CDC42BPA: variants seen among roughly 807,000 people sequenced by gnomAD.
CDC42BPA encodes CDC42 binding protein kinase alpha, also known as serine/threonine-protein kinase MRCK alpha.
Under a neutral mutation model 223.5 loss-of-function variants are expected in CDC42BPA, and 80 were observed. The ratio of observed to expected loss-of-function variants is 0.36; its 90% CI spans 0.30 to 0.43. The LOEUF is 0.43. CDC42BPA is among the 20% of genes least tolerant of loss of function. CDC42BPA has a pLI of 1.00. For synonymous variants in CDC42BPA, 694 were observed against 718.6 expected, an observed-to-expected ratio of 0.97 and a Z score of 0.55; for missense variants, 1,743 against 2,099.9, an observed-to-expected ratio of 0.83 and a Z score of 3.32.
At chr1:227,077,327 A>G (rs1679699366) in intron 17 of CDC42BPA, among the ~76,000 whole-genome samples, 1 of 152,210 alleles carries the variant, frequency 6.6e-6, no homozygotes, top group East Asian at 1.9e-4. Context: ...GTGAATTTCC[A>G]GCCTAATGAC....
chr1:227,219,310 C>G (rs1377047449), intron 2 of CDC42BPA: 1 of 152,214 alleles, frequency 6.6e-6, no homozygotes, highest in Non-Finnish European at 1.5e-5. Context: ...ACAACAAGCT[C>G]TGAAGCCCAG....
intron 1 of CDC42BPA, among the ~76,000 whole-genome samples, chr1:227,293,481 C>T (rs945876219): frequency 1.3e-4 from 20 of 150,846 alleles, no homozygotes; most frequent in Non-Finnish European, 2.9e-5. Context: ...ATCCCAATTG[C>T]CATCAGATTC....
chr1:227,062,647 T>C (rs1676162327), intron 21 of CDC42BPA, among the ~76,000 whole-genome samples: 1 of 152,198 alleles, frequency 6.6e-6, no homozygotes, highest in Non-Finnish European at 1.5e-5. Flanking sequence ...ATGTCCATAG[T>C]ACTTAGCCTA....
intron 3 of CDC42BPA, among the ~76,000 whole-genome samples, chr1:227,205,214 A>G (rs1345160100): frequency 7.4e-5 from 11 of 149,568 alleles, no homozygotes; most frequent in Admixed American, 6.0e-4. Flanking sequence ...GGCTGCAGTG[A>G]GCCAAGATCT....
chr1:227,018,235 G>C (rs1328943271), intron 32 of CDC42BPA, among the ~76,000 whole-genome samples: 2 of 151,982 alleles, frequency 1.3e-5, no homozygotes, highest in African/African-American at 4.8e-5. Context: ...TTTTTGAAGT[G>C]AATGAGAATG....
At chr1:227,049,123 C>T (rs1020834803) in intron 22 of CDC42BPA, among the ~76,000 whole-genome samples, 15 of 151,518 alleles carry the variant, frequency 9.9e-5, no homozygotes, top group Non-Finnish European at 1.8e-4. Flanking sequence ...TGAAAAGATA[C>T]ATATGAAAGA....
At chr1:227,127,455 C>A (rs1305655858) in intron 11 of CDC42BPA, among the ~76,000 whole-genome samples, 2 of 152,152 alleles carry the variant, frequency 1.3e-5, no homozygotes, top group Non-Finnish European at 2.9e-5. Flanking sequence ...CCATTCAAAG[C>A]CACATTCTAC....
At chr1:227,044,881 C>T (rs1672114096) in intron 23 of CDC42BPA, among the ~76,000 whole-genome samples, 1 of 152,186 alleles carries the variant, frequency 6.6e-6, no homozygotes, top group Non-Finnish European at 1.5e-5. Flanking sequence ...TCCCCTCCCA[C>T]CCTCGACTTT....
At position 227,112,921 on chromosome 1, in the gene CDC42BPA, T is replaced by C; in HGVS notation, c.1648-8A>G. 1 of 1,611,660 alleles carries C rather than the reference T, an allele frequency of 6.2e-7. No individual in the cohort carries two copies. ...ACTAGCCTGGACTAGTTCCTACAGTTTTGTAAAAAGAATATAAGTTACCAA... is the reference window on the plus strand; with the variant it reads ...ACTAGCCTGGACTAGTTCCTACAGTCTTGTAAAAAGAATATAAGTTACCAA... On this transcript the variant is annotated splice_region_variant and splice_polypyrimidine_tract_variant and intron_variant, in intron 12 of 36. Coordinates refer to ENST00000366766, the MANE Select transcript of CDC42BPA (RefSeq NM_001394014.1).
At chr1:227,003,839 A>G (rs1176639035) in intron 35 of CDC42BPA, among the ~76,000 whole-genome samples, 3 of 152,080 alleles carry the variant, frequency 2.0e-5, no homozygotes, top group Non-Finnish European at 4.4e-5. Context: ...AAACAAACAA[A>G]CAAAAAAAAC....
At chr1:227,220,287 T>C (rs1321986990) in intron 2 of CDC42BPA, among the ~76,000 whole-genome samples, 1 of 85,054 alleles carries the variant, frequency 1.2e-5, no homozygotes, top group Non-Finnish European at 2.3e-5. Context: ...TCATGTTATA[T>C]ATATATATAT....
At chr1:227,151,549 T>C (rs1196394388) in intron 6 of CDC42BPA, among the ~76,000 whole-genome samples, 1 of 152,172 alleles carries the variant, frequency 6.6e-6, no homozygotes, top group South Asian at 2.1e-4. Context: ...TTTGAAGAGC[T>C]ACCTATACCA....
intron 24 of CDC42BPA, among the ~76,000 whole-genome samples, chr1:227,037,911 G>C (rs1398055984): frequency 6.6e-6 from 1 of 152,146 alleles, no homozygotes; most frequent in Non-Finnish European, 1.5e-5. Context: ...AATTTGAAAA[G>C]AGCCCCTATC....
intron 21 of CDC42BPA, among the ~76,000 whole-genome samples, chr1:227,060,031 T>G (rs933240346): frequency 4.5e-5 from 1 of 22,328 alleles, no homozygotes; most frequent in African/African-American, 1.5e-4. Flanking sequence ...TTTTTTTTTG[T>G]TTTTTTTTTT....
intron 10 of CDC42BPA, among the ~76,000 whole-genome samples, chr1:227,135,010 T>A (rs192039911): frequency 6.6e-6 from 1 of 152,314 alleles, no homozygotes; most frequent in Admixed American, 6.5e-5. Flanking sequence ...GCTTTTTCAG[T>A]TGGAGTTGGG....
Position 227,179,782 on chromosome 1 carries a change from GAA to G in CDC42BPA, c.599+14002_599+14003del, listed in dbSNP as rs5781474. On this transcript the variant is annotated intron_variant, in intron 5 of 36. Coordinates refer to ENST00000366766, the MANE Select transcript of CDC42BPA (RefSeq NM_001394014.1). ...TTTCCTCCAAAGGGCAAAAAAGTTT[GAA>G]AAAAAAAAAGTCTTAAGAAGTAGTA... is the stretch of plus-strand genomic sequence containing the variant. 8.4e-4 allele frequency among the ~76,000 whole-genome samples: 125 copies of G among 148,716 alleles called. 1 individual carries two copies. In the Middle Eastern group the frequency reaches 0.014, roughly 16 times the overall value.
intron 5 of CDC42BPA, among the ~76,000 whole-genome samples, chr1:227,166,804 T>A (rs999862763): frequency 6.6e-5 from 10 of 151,962 alleles, no homozygotes; most frequent in African/African-American, 2.4e-4. Flanking sequence ...CCAACATCTA[T>A]CAACTGAGTA....
chr1:227,280,227 G>C (rs368015179), intron 1 of CDC42BPA, among the ~76,000 whole-genome samples: 13 of 152,294 alleles, frequency 8.5e-5, no homozygotes, highest in African/African-American at 2.9e-4. Context: ...TCTGAAAGAA[G>C]ACGGATAAGA....
intron 21 of CDC42BPA, among the ~76,000 whole-genome samples, chr1:227,058,186 A>G (rs747480053): frequency 1.3e-5 from 2 of 152,236 alleles, no homozygotes; most frequent in Non-Finnish European, 2.9e-5. Flanking sequence ...AATTAATGAG[A>G]TATCACTTGA....
Sources: gnomAD v4.1 joint callset for allele counts (sites outside exome capture counted in the v4.1 genomes callset) on GRCh38, gnomAD v4.1.1 for gene constraint, MANE v1.5 for transcripts, NCBI Gene and HGNC (gene_info 2026-07-23, HGNC 2026-07-21) for gene names.